IQUB: variants seen among roughly 807,000 people sequenced by gnomAD.
IQUB encodes IQ motif and ubiquitin-like domain-containing protein.
In IQUB, 86 loss-of-function variants were observed where a neutral mutation model predicts 86.4. The ratio of observed to expected loss-of-function variants is 1.00; its 90% confidence interval spans 0.84 to 1.19. The LOEUF is 1.19. Ranked by LOEUF, IQUB falls within the 50% of genes most tolerant of loss-of-function variation. IQUB has a pLI of 0.00. For synonymous variants in IQUB, 289 were observed against 304.5 expected (o/e 0.95, Z 0.53); for missense variants, 946 against 916.9 (o/e 1.03, Z -0.41).
chr7:123,529,625 G>T (rs1350146120), intron 1 of IQUB, among the ~76,000 whole-genome samples: 1 of 146,834 alleles, frequency 6.8e-6, no homozygotes, highest in Admixed American at 7.0e-5. Context: ...AGTGGCTCAT[G>T]CCTGTAATCC....
chr7:123,460,864 A>G (rs919723769), intron 11 of IQUB, among the ~76,000 whole-genome samples: 1 of 151,874 alleles, frequency 6.6e-6, no homozygotes, highest in Non-Finnish European at 1.5e-5. Context: ...CGTAGGGTCA[A>G]TGATCCAATG....
chr7:123,471,632 T>C (rs1055506892), intron 8 of IQUB, among the ~76,000 whole-genome samples: 36 of 151,646 alleles, frequency 2.4e-4, no homozygotes, highest in East Asian at 7.7e-4. Context: ...AACTCTGTTT[T>C]CCCCCCCAAG....
At chr7:123,522,801 CAT>C (rs1796968821) in intron 1 of IQUB, among the ~76,000 whole-genome samples, 1 of 151,686 alleles carries the variant, frequency 6.6e-6, no homozygotes, top group African/African-American at 2.4e-5. Flanking sequence ...GTGCTGCACC[CAT>C]TAACTCGTCA....
Position 123,502,692 on chromosome 7 carries a change from T to G in IQUB, c.928A>C (p.Asn310His). The change falls in exon 6 of 13, where the codon AAC becomes CAC. Residue 310 changes from asparagine (N) to histidine (H), a missense_variant. Asn to His is a moderately conservative substitution (Grantham distance 68). Transcript: ENST00000324698. ...TTNTTSTQMT[N>H]IGVYVSNMTD... ...ATATTTGATACATATACACCAATGT[T>G]AGTCATCTGTGTGGATGTTGTATTT... 2 of 1,610,438 alleles carry G rather than the reference T, an allele frequency of 1.2e-6. No individual in the cohort carries two copies. The highest frequency in any genetic ancestry group is 1.7e-6 in the Non-Finnish European group (2 of 1,177,462).
chr7:123,464,020 A>G (rs1270077841), intron 10 of IQUB, among the ~76,000 whole-genome samples: 1 of 151,772 alleles, frequency 6.6e-6, no homozygotes, highest in Non-Finnish European at 1.5e-5. Flanking sequence ...TAAAAATTAA[A>G]CAATTTTTAT....
intron 6 of IQUB, among the ~76,000 whole-genome samples, chr7:123,499,773 G>A (rs1795860361): frequency 6.6e-6 from 1 of 152,300 alleles, no homozygotes; most frequent in Admixed American, 6.5e-5. Context: ...GTGTGAACCA[G>A]AGCAACTCCA....
chr7:123,485,081 A>T (rs959435774), intron 7 of IQUB, among the ~76,000 whole-genome samples: 1 of 152,108 alleles, frequency 6.6e-6, no homozygotes, highest in African/African-American at 2.4e-5. Context: ...GATGATAATT[A>T]AAAAATTGAG....
intron 7 of IQUB, among the ~76,000 whole-genome samples, chr7:123,492,639 C>T (rs1795522362): frequency 6.6e-6 from 1 of 152,146 alleles, no homozygotes; most frequent in Non-Finnish European, 1.5e-5. Flanking sequence ...ATCCTCTGAA[C>T]ACACCCTCAC....
intron 2 of IQUB, among the ~76,000 whole-genome samples, chr7:123,511,026 G>A (rs560195442): frequency 7.2e-5 from 11 of 152,048 alleles, no homozygotes; most frequent in Non-Finnish European, 1.5e-4. Context: ...ACCCAAAAAT[G>A]AAACCCAAAT....
chr7:123,479,862 A>G lies in IQUB; in HGVS notation c.1343T>C (p.Ile448Thr), dbSNP rs746025843. 1.9e-6 allele frequency: 3 copies of G among 1,613,038 alleles called. No homozygotes were observed. The highest frequency in any genetic ancestry group is 1.7e-5 in the Admixed American group (1 of 59,888). Residue 448 changes from isoleucine to threonine, a missense_variant, in exon 8 of 13, where the codon ATT becomes ACT. Ile to Thr is a moderately conservative substitution (Grantham distance 89). Transcript: ENST00000324698. ...ATAAGCAATGTATCTATGTCTCCCA[A>G]TGGAAGCAATTATCTGAGTCTCTTT... The part of the protein sequence containing the change: ...LEKETQIIAS[I>T]GRHRYIAYMA...
chr7:123,493,133 C>T (rs1795546395), intron 7 of IQUB, among the ~76,000 whole-genome samples: 1 of 152,144 alleles, frequency 6.6e-6, no homozygotes, highest in Non-Finnish European at 1.5e-5. Flanking sequence ...TGGACTCAGA[C>T]CCCAGTCTAC....
At chr7:123,508,175 C>T (rs75081206) in intron 3 of IQUB, among the ~76,000 whole-genome samples, 2,942 of 152,168 alleles carry the variant, frequency 0.019, 90 homozygotes, top group African/African-American at 0.067. Flanking sequence ...GCTTTTAAAA[C>T]GGAGGAAGGG....
chr7:123,517,873 C>T (rs1055506541), intron 1 of IQUB, among the ~76,000 whole-genome samples: 1 of 152,186 alleles, frequency 6.6e-6, no homozygotes, highest in Non-Finnish European at 1.5e-5. Context: ...TCTGACACTA[C>T]CCAATGTGAA....
At chr7:123,532,951 A>G (rs1797610808) in intron 1 of IQUB, 1 of 152,320 alleles carries the variant, frequency 6.6e-6, no homozygotes, top group Non-Finnish European at 1.5e-5. Context: ...AGTTGCTCGG[A>G]GCTCCGGCGG....
chr7:123,510,860 A>T (rs1429232071), intron 2 of IQUB, among the ~76,000 whole-genome samples: 1 of 152,154 alleles, frequency 6.6e-6, no homozygotes, highest in African/African-American at 2.4e-5. Flanking sequence ...TATTTTAATT[A>T]ATAAATTTTA....
rs2116914044 is a variant in IQUB, at chr7:123,452,278, C to T, written c.*465G>A. The T allele has an allele frequency of 6.6e-6, 1 of 152,218 alleles. No homozygotes were observed. The highest frequency in any genetic ancestry group is 6.5e-5 in the Admixed American group (1 of 15,286). The allele number at this position is 152,218 out of a possible 1,614,324, so 9.4% of individuals were successfully genotyped here. A position where few individuals can be genotyped will look rare whatever the true frequency, so the allele number is the denominator to read the frequency against. On this transcript the variant is annotated 3_prime_UTR_variant, in exon 13 of 13. Transcript: ENST00000324698. ...AACTGCAAAGATTCAAATGCCTATACTAAAATATAAATTTTTTTATCCTAC... is the reference window on the plus strand; with the variant it reads ...AACTGCAAAGATTCAAATGCCTATATTAAAATATAAATTTTTTTATCCTAC...
At chr7:123,518,825 C>G (rs1796769985) in intron 1 of IQUB, among the ~76,000 whole-genome samples, 4 of 152,020 alleles carry the variant, frequency 2.6e-5, no homozygotes, top group South Asian at 4.1e-4. Context: ...AACTCCTGAC[C>G]TCAGGTGATC....
chr7:123,527,441 T>G (rs888512220), intron 1 of IQUB, among the ~76,000 whole-genome samples: 1 of 152,178 alleles, frequency 6.6e-6, no homozygotes, highest in Non-Finnish European at 1.5e-5. Flanking sequence ...CCCATCTTTG[T>G]GGTTTTATCT....
chr7:123,497,420 A>G (rs1795752711), intron 6 of IQUB, among the ~76,000 whole-genome samples: 1 of 152,144 alleles, frequency 6.6e-6, no homozygotes, highest in Non-Finnish European at 1.5e-5. Flanking sequence ...GTTTTCCTAA[A>G]TACACATCAG....
Sources: gnomAD v4.1 joint callset for allele counts (sites outside exome capture counted in the v4.1 genomes callset) on GRCh38, gnomAD v4.1.1 for gene constraint, MANE v1.5 for transcripts, NCBI Gene and HGNC (gene_info 2026-07-23, HGNC 2026-07-21) for gene names.